Variants in BSPRY observed in about 807,000 individuals in gnomAD.
The protein encoded by BSPRY is B-box and SPRY domain containing.
A neutral mutation model predicts 38.0 loss-of-function variants in BSPRY; 33 were observed. The ratio of observed to expected loss-of-function variants is 0.87; its 90% confidence interval spans 0.66 to 1.16. BSPRY has a LOEUF of 1.16. BSPRY is among the 50% of genes most tolerant of loss of function. The pLI is 0.00. For synonymous variants in BSPRY, 224 were observed against 228.5 expected (o/e 0.98, Z 0.18); for missense variants, 523 against 533.2 (o/e 0.98, Z 0.19).
chr9:113,359,883 T>A (rs564292489), intron 2 of BSPRY, among the ~76,000 whole-genome samples: 1,634 of 110,360 alleles, frequency 0.015, 9 homozygotes, highest in Middle Eastern at 0.028. Context: ...AAAAAAAATT[T>A]AAAAAAAAAA....
chr9:113,358,027 C>G (rs1026720241), intron 2 of BSPRY, among the ~76,000 whole-genome samples: 7 of 148,432 alleles, frequency 4.7e-5, no homozygotes, highest in African/African-American at 1.7e-4. Flanking sequence ...CCAGGAGGAT[C>G]ACTTGAACCC....
At chr9:113,357,683 T>C (rs1201273776) in intron 2 of BSPRY, among the ~76,000 whole-genome samples, 1 of 151,844 alleles carries the variant, frequency 6.6e-6, no homozygotes, top group Non-Finnish European at 1.5e-5. Context: ...GTCTACTCTT[T>C]TGTATCTTTG....
Position 113,370,408 on chromosome 9 carries a change from G to T in BSPRY, c.*266G>T. The T allele has an allele frequency of 3.5e-6, 1 of 286,370 alleles. No homozygotes were observed. The highest frequency in any genetic ancestry group is 5.6e-5 in the East Asian group (1 of 17,980). The allele number at this position is 286,370 out of a possible 1,614,324, so 17.7% of individuals were successfully genotyped here. On this transcript the variant is annotated 3_prime_UTR_variant, in exon 6 of 6. Coordinates refer to ENST00000374183, the MANE Select transcript of BSPRY (RefSeq NM_017688.3). The surrounding 1 kb of genome is among the most constrained non-coding windows in gnomAD (Gnocchi z 4.8). ...AAAATACACTAACGATAGCTGATGA[G>T]CTAAAAAAAAAAAAAAAGTCTGTGT...
At chr9:113,357,243 G>T (rs577044620) in intron 2 of BSPRY, among the ~76,000 whole-genome samples, 2 of 152,240 alleles carry the variant, frequency 1.3e-5, no homozygotes, top group Admixed American at 1.3e-4. Context: ...CTCTCAAATG[G>T]TGTATATTTA....
intron 2 of BSPRY, 24 bp from the exon 3 acceptor site, chr9:113,360,483 A>T (rs750899770): frequency 4.7e-5 from 74 of 1,570,120 alleles, no homozygotes; most frequent in Non-Finnish European, 6.2e-5. Context: ...AGACCACCCA[A>T]CTCCTCATTT....
At chr9:113,356,299 T>G (rs1392698410) in intron 2 of BSPRY, among the ~76,000 whole-genome samples, 1 of 151,970 alleles carries the variant, frequency 6.6e-6, no homozygotes, top group Admixed American at 6.5e-5. Flanking sequence ...GGTCAGGAGT[T>G]CCAGACCATC....
At position 113,349,599 on chromosome 9, in the gene BSPRY, A is replaced by AGCCGGG. The variant is rs1833933403; in HGVS notation, c.28_33dup (p.Pro10_Gly11dup). 1 of 1,183,552 alleles carries AGCCGGG rather than the reference A, an allele frequency of 8.4e-7. No homozygotes were observed. The highest frequency in any genetic ancestry group is 1.6e-5 in the African/African-American group (1 of 62,078). 73.3% of individuals were successfully genotyped at this position (1,183,552 alleles called of 1,614,324 possible). On this transcript the variant is annotated inframe_insertion, in exon 1 of 6. Coordinates refer to ENST00000374183, the MANE Select transcript of BSPRY (RefSeq NM_017688.3). ...ACGGCCATGTCCGCCGAGGGCGCGG[A>AGCCGGG]GCCGGGGCCGGGGTCCGGGTCCGGG...
intron 5 of BSPRY, 70 bp downstream of exon 5, chr9:113,368,453 T>C (rs1834288106): frequency 6.4e-7 from 1 of 1,555,120 alleles, no homozygotes; most frequent in Non-Finnish European, 8.7e-7. Context: ...GGTTCACTCC[T>C]GGTTCACAAT....
chr9:113,349,766 G>T lies in BSPRY; in HGVS notation c.187G>T (p.Ala63Ser). 8.1e-7 allele frequency: 1 copy of T among 1,234,584 alleles called. No homozygotes were observed. The highest frequency in any genetic ancestry group is 1.0e-6 in the Non-Finnish European group (1 of 989,578). The allele number at this position is 1,234,584 out of a possible 1,614,324, so 76.5% of individuals were successfully genotyped here. A position where few individuals can be genotyped will look rare whatever the true frequency, so the allele number is the denominator to read the frequency against. Residue 63 changes from alanine (A) to serine (S), a missense_variant, in exon 1 of 6, where the codon GCC becomes TCC. Transcript: ENST00000374183. ...GHRIRRAEERAEELRNKIVDQ... is the reference protein window; with the variant it reads ...GHRIRRAEERSEELRNKIVDQ... The stretch of plus-strand genomic sequence containing the variant: ...CCGCATCCGCCGGGCGGAGGAGCGC[G>T]CCGAGGAGCTGCGGGTGAGCGGGTG...
chr9:113,355,209 C>T (rs1315479748), intron 2 of BSPRY, among the ~76,000 whole-genome samples: 1 of 152,226 alleles, frequency 6.6e-6, no homozygotes, highest in African/African-American at 2.4e-5. Flanking sequence ...TGTGTCATCA[C>T]TTTCAAGTAT....
At chr9:113,357,576 TC>T (rs1048424779) in intron 2 of BSPRY, among the ~76,000 whole-genome samples, 13 of 152,204 alleles carry the variant, frequency 8.5e-5, no homozygotes. Context: ...AACTCTTTTT[TC>T]TTAAGGGTTT....
chr9:113,368,719 G>A (rs1237867303), intron 5 of BSPRY, among the ~76,000 whole-genome samples: 1 of 152,140 alleles, frequency 6.6e-6, no homozygotes, highest in Non-Finnish European at 1.5e-5. Flanking sequence ...TAAAATTGAT[G>A]GCCAACTGAA....
intron 3 of BSPRY, among the ~76,000 whole-genome samples, chr9:113,361,227 C>G (rs1002132733): frequency 2.6e-5 from 4 of 152,224 alleles, no homozygotes; most frequent in African/African-American, 7.2e-5. Context: ...AACCCAGTCT[C>G]TCTCCCATTG....
chr9:113,369,595 T>C, intron 5 of BSPRY, 21 bp from the exon 6 acceptor site: 1 of 1,588,080 alleles, frequency 6.3e-7, no homozygotes, highest in Non-Finnish European at 8.6e-7. Context: ...CCTCGGCAAC[T>C]CTGAGAATTC....
rs533441283 is a variant in BSPRY, at chr9:113,359,083, A to G, written c.301-1424A>G. 5.3e-5 allele frequency among the ~76,000 whole-genome samples: 8 copies of G among 152,332 alleles called. No individual in the cohort carries two copies. In the South Asian group the frequency reaches 1.7e-3, roughly 32 times the overall value. ...AGATAAAGAAGAGCAATAGTGAATG[A>G]ATGTTATTGAACACATAATGTAGCA... On this transcript the variant is annotated intron_variant, in intron 2 of 5. Coordinates refer to ENST00000374183, the MANE Select transcript of BSPRY (RefSeq NM_017688.3).
chr9:113,354,337 T>C lies in BSPRY; in HGVS notation c.299T>C (p.Val100Ala). Reference protein sequence around the residue: ...DVLPGKNQRAVSMASAARELV... With the variant: ...DVLPGKNQRAASMASAARELV... ...CTGCCGGGGAAGAATCAAAGAGCAG[T>C]GGTAATTCCTCTTCTTTCCTCTCTA... The change falls in exon 2 of 6, where the codon GTG becomes GCG. Residue 100 changes from valine (V) to alanine (A), a missense_variant and splice_region_variant. Transcript: ENST00000374183. 1 of 1,613,008 alleles carries C rather than the reference T, an allele frequency of 6.2e-7. No individual in the cohort carries two copies. The highest frequency in any genetic ancestry group is 1.1e-5 in the South Asian group (1 of 91,052).
In BSPRY at chr9:113,359,739, AG is replaced by A. The variant is rs146989337; in HGVS notation, c.301-767del. ...CTATGAAGAGATCTTTTACTAAGTC[AG>A]AAAAAATTTCCTGGGTGGGCACAGT... On this transcript the variant is annotated intron_variant, in intron 2 of 5. Coordinates refer to ENST00000374183, the MANE Select transcript of BSPRY (RefSeq NM_017688.3). Among the ~76,000 whole-genome samples the A allele has an allele frequency of 6.4e-3, 979 of 152,324 alleles. 8 individuals carry two copies. Among genetic ancestry groups the A allele is most frequent in the African/African-American group, 0.022 (932 of 41,562 alleles).
chr9:113,360,664 C>A lies in BSPRY; in HGVS notation c.458C>A (p.Ala153Glu). 6.2e-7 allele frequency: 1 copy of A among 1,608,284 alleles called. No individual in the cohort carries two copies. Reference protein sequence around the residue: ...ILTQRVHWAEALQKLDTIRTG... With the variant: ...ILTQRVHWAEELQKLDTIRTG... ...ACACAGCGGGTGCACTGGGCCGAGG[C>A]GCTGCAGAAACTTGACACCATCCGC... The change falls in exon 3 of 6, where the codon GCG (alanine) becomes GAG (glutamate). Residue 153 changes from alanine to glutamate, a missense_variant. Ala to Glu is a moderately radical substitution (Grantham distance 107). Coordinates refer to ENST00000374183, the MANE Select transcript of BSPRY (RefSeq NM_017688.3).
At chr9:113,359,843 T>C (rs1056361231) in intron 2 of BSPRY, among the ~76,000 whole-genome samples, 6 of 152,066 alleles carry the variant, frequency 3.9e-5, no homozygotes, top group African/African-American at 1.4e-4. Flanking sequence ...GAGACCAGCT[T>C]GGGCAACATG....
Sources: allele counts gnomAD v4.1 joint callset (sites outside exome capture counted in the v4.1 genomes callset), GRCh38; gene constraint gnomAD v4.1.1; non-coding constraint Gnocchi (gnomAD v3.1); transcripts MANE v1.5; gene names NCBI Gene and HGNC (gene_info 2026-07-23, HGNC 2026-07-21).